Variants in PPAT observed in about 807,000 individuals in gnomAD.
PPAT encodes the protein phosphoribosyl pyrophosphate amidotransferase.
PPAT carries 20 observed loss-of-function variants against 60.2 expected under a neutral mutation model. The ratio of observed to expected loss-of-function variants is 0.33; its 90% CI spans 0.23 to 0.48. The LOEUF (loss-of-function observed/expected upper bound fraction) is 0.48, where lower values mean the gene tolerates loss of function less well. Ranked by LOEUF, PPAT falls within the 20% of genes least tolerant of loss-of-function variation. The probability of loss-of-function intolerance (pLI) is 0.99; values close to 1 mark genes in which losing one functional copy is unlikely to be tolerated. For missense variants in PPAT, 349 were observed against 629.6 expected, an observed-to-expected ratio of 0.55 and a Z score of 4.77; for synonymous variants, 194 against 215.1, an observed-to-expected ratio of 0.90 and a Z score of 0.86.
At chr4:56,428,457 G>A (rs972211316) in intron 1 of PPAT, among the ~76,000 whole-genome samples, 2 of 152,058 alleles carry the variant, frequency 1.3e-5, no homozygotes, top group Non-Finnish European at 2.9e-5. Flanking sequence ...GACAGAGACC[G>A]GAAACAATGT....
chr4:56,418,847 T>C (rs1484866131), intron 1 of PPAT, among the ~76,000 whole-genome samples: 3 of 152,208 alleles, frequency 2.0e-5, no homozygotes, highest in Admixed American at 6.5e-5. Context: ...AGAGACCTAA[T>C]ACACACCATG....
intron 1 of PPAT, among the ~76,000 whole-genome samples, chr4:56,416,615 C>T (rs904873645): frequency 1.3e-5 from 2 of 152,150 alleles, no homozygotes; most frequent in Non-Finnish European, 2.9e-5. Context: ...GATTTCCTTA[C>T]GAAATTTAAG....
At position 56,398,495 on chromosome 4, in the gene PPAT, CT is replaced by C. The variant is rs200269089; in HGVS notation, c.1236+683del. Among the ~76,000 whole-genome samples, 532 of 146,154 alleles carry C rather than the reference CT, an allele frequency of 3.6e-3. 2 individuals carry two copies. The highest frequency in any genetic ancestry group is 9.7e-3 in the African/African-American group (389 of 40,224). On this transcript the variant is annotated intron_variant, in intron 9 of 10. Coordinates refer to ENST00000264220, the MANE Select transcript of PPAT (RefSeq NM_002703.5). ...AAAGCATTCTATTGTGTGTTTTTGACTTTTTTTTTTTTGAGATCACTTCGGC... is the reference window on the plus strand; with the variant it reads ...AAAGCATTCTATTGTGTGTTTTTGACTTTTTTTTTTTGAGATCACTTCGGC...
rs1450714959 is a variant in PPAT at position 56,435,351 on chromosome 4, G to T, written c.127C>A (p.Arg43=). 1.3e-6 allele frequency: 2 copies of T among 1,594,848 alleles called. No homozygotes were observed. Among genetic ancestry groups the T allele is most frequent in the Non-Finnish European group, 1.7e-6 (2 of 1,167,660 alleles). ...ITLGLVGLQH[R]GQESAGIVTS... Reference sequence around the variant, plus strand: ...CGCCACCCCCACCCTGTTGCTCACCGGTGCTGCAGCCCCACGAGTCCCAGA... The same window carrying T: ...CGCCACCCCCACCCTGTTGCTCACCTGTGCTGCAGCCCCACGAGTCCCAGA... The change falls in exon 1 of 11, where the codon CGG becomes AGG. Residue 43 remains arginine (R), a splice_region_variant and synonymous_variant. Transcript: ENST00000264220.
At chr4:56,398,752 T>C (rs1164084308) in intron 9 of PPAT, among the ~76,000 whole-genome samples, 1 of 152,162 alleles carries the variant, frequency 6.6e-6, no homozygotes, top group African/African-American at 2.4e-5. Context: ...GCCCAGCCTA[T>C]TTTGTGTAGT....
At chr4:56,408,540 G>C (rs12640212) in intron 1 of PPAT, among the ~76,000 whole-genome samples, 12,219 of 151,462 alleles carry the variant, frequency 0.081, 666 homozygotes, top group East Asian at 0.25. Flanking sequence ...GGACCACGAG[G>C]TCAGGAGATC....
intron 1 of PPAT, chr4:56,421,741 A>C (rs1421567248): frequency 6.6e-6 from 1 of 152,220 alleles, no homozygotes; most frequent in African/African-American, 2.4e-5. Flanking sequence ...CATCTCCCCC[A>C]GTTAGATGAC....
At chr4:56,399,086 A>C in intron 9 of PPAT, 93 bp downstream of exon 9, 1 of 1,056,900 alleles carries the variant, frequency 9.5e-7, no homozygotes, top group Non-Finnish European at 1.4e-6. Flanking sequence ...TATTATATTG[A>C]ACATCCATTT....
At chr4:56,406,375 G>A (rs1716241226) in intron 3 of PPAT, 120 bp downstream of exon 3, 5 of 980,726 alleles carry the variant, frequency 5.1e-6, no homozygotes, top group Non-Finnish European at 7.6e-6. Context: ...ATTGTTTGTT[G>A]CAGTTAGGTA....
intron 1 of PPAT, among the ~76,000 whole-genome samples, chr4:56,410,339 T>C (rs1578120629): frequency 1.3e-5 from 2 of 152,254 alleles, no homozygotes; most frequent in Non-Finnish European, 1.5e-5. Flanking sequence ...GATCCAGGCT[T>C]CTTTAATCAC....
At chr4:56,410,899 TAAAAAAAAAAAAAAAAAAAA>T (rs35668849) in intron 1 of PPAT, 88 of 678,544 alleles carry the variant, frequency 1.3e-4, no homozygotes, top group Admixed American at 8.2e-4. Context: ...CCACTGAAGG[TAAAAAAAAAAAAAAAAAAAA>T]AAAAAAAAAG....
At chr4:56,433,102 A>C (rs771708863) in intron 1 of PPAT, among the ~76,000 whole-genome samples, 29 of 151,764 alleles carry the variant, frequency 1.9e-4, no homozygotes, top group Non-Finnish European at 3.2e-4. Context: ...CCAAGACATA[A>C]GGGAGTGTCA....
rs750392937 is a variant in PPAT, at chr4:56,403,231, T to C, written c.516-46A>G. The C allele has an allele frequency of 2.5e-6, 4 of 1,597,580 alleles. No individual in the cohort carries two copies. The South Asian group carries it at 3.3e-5, about 13-fold the overall frequency. On this transcript the variant is annotated intron_variant, in intron 4 of 10. Coordinates refer to ENST00000264220, the MANE Select transcript of PPAT (RefSeq NM_002703.5). ...GAATGAATAACTTCAGTTATAAACATATGCAAGGCAAAACTCTCCTTACTA... is the reference window on the plus strand; with the variant it reads ...GAATGAATAACTTCAGTTATAAACACATGCAAGGCAAAACTCTCCTTACTA...
chr4:56,415,207 T>C (rs1716665807), intron 1 of PPAT, among the ~76,000 whole-genome samples: 1 of 152,202 alleles, frequency 6.6e-6, no homozygotes, highest in South Asian at 2.1e-4. Flanking sequence ...TGTTACTCAA[T>C]AAAATAGAAG....
At chr4:56,400,572 T>G in intron 8 of PPAT, 1 of 443,966 alleles carries the variant, frequency 2.3e-6, no homozygotes, top group Non-Finnish European at 3.9e-6. Context: ...TGAACGTTTT[T>G]TTCTTTTCAG....
chr4:56,399,479 C>A, intron 8 of PPAT, 79 bp from the exon 9 acceptor site: 1 of 1,057,530 alleles, frequency 9.5e-7, no homozygotes, highest in East Asian at 2.6e-5. Flanking sequence ...GTGTTGCCGC[C>A]ACAATATTCA....
chr4:56,402,241 T>G, intron 5 of PPAT, 60 bp from the exon 6 acceptor site: 1 of 1,267,426 alleles, frequency 7.9e-7, no homozygotes, highest in Non-Finnish European at 1.1e-6. Flanking sequence ...GCTATTTCAA[T>G]GGAACAGCTA....
intron 1 of PPAT, among the ~76,000 whole-genome samples, chr4:56,408,647 C>T (rs188058393): frequency 0.012 from 1,730 of 145,960 alleles, 33 homozygotes; most frequent in African/African-American, 0.042. Flanking sequence ...CCAGCTACTC[C>T]GGAGGCTGAG....
At chr4:56,415,655 C>CA (rs1007978642) in intron 1 of PPAT, among the ~76,000 whole-genome samples, 3 of 151,832 alleles carry the variant, frequency 2.0e-5, no homozygotes, top group East Asian at 1.9e-4. Flanking sequence ...TCATACATGC[C>CA]AAAAAAACAG....
Sources: gnomAD v4.1 joint callset for allele counts (sites outside exome capture counted in the v4.1 genomes callset) on GRCh38, gnomAD v4.1.1 for gene constraint, MANE v1.5 for transcripts, NCBI Gene and HGNC (gene_info 2026-07-23, HGNC 2026-07-21) for gene names.